ENOX1: variants seen among roughly 807,000 people sequenced by gnomAD.
ENOX1 encodes candidate growth-related and time keeping constitutive hydroquinone (NADH) oxidase.
A neutral mutation model predicts 82.5 loss-of-function variants in ENOX1; 42 were observed. That is an observed-to-expected ratio of 0.51 (90% CI 0.40 to 0.66). The LOEUF is 0.66. Ranked by LOEUF, ENOX1 falls within the 30% of genes least tolerant of loss-of-function variation. The pLI, the probability that ENOX1 is intolerant of heterozygous loss-of-function variation, is 0.00. For missense variants in ENOX1, 608 were observed against 811.6 expected, an observed-to-expected ratio of 0.75 and a Z score of 3.05; for synonymous variants, 271 against 282.2, an observed-to-expected ratio of 0.96 and a Z score of 0.40.
intron 12 of ENOX1, among the ~76,000 whole-genome samples, chr13:43,278,695 A>G (rs1013256267): frequency 2.0e-5 from 3 of 152,210 alleles, no homozygotes; most frequent in African/African-American, 7.2e-5. Flanking sequence ...ATTTGGTTTT[A>G]TTAATACTTA....
At chr13:43,280,914 G>C (rs1272842940) in intron 12 of ENOX1, among the ~76,000 whole-genome samples, 1 of 152,188 alleles carries the variant, frequency 6.6e-6, no homozygotes, top group Non-Finnish European at 1.5e-5. Flanking sequence ...GGAAGTGAGA[G>C]GGAGAGGAAG....
At chr13:43,286,032 C>T (rs375285297) in intron 12 of ENOX1, among the ~76,000 whole-genome samples, 2 of 152,192 alleles carry the variant, frequency 1.3e-5, no homozygotes, top group Middle Eastern at 3.4e-3. Context: ...CAACTGCGGC[C>T]GGAGTTGAAA....
At chr13:43,328,700 A>G (rs2048256535) in intron 9 of ENOX1, among the ~76,000 whole-genome samples, 1 of 152,240 alleles carries the variant, frequency 6.6e-6, no homozygotes, top group Non-Finnish European at 1.5e-5. Context: ...GCACAGGTTT[A>G]GGGGTAAAAG....
intron 5 of ENOX1, among the ~76,000 whole-genome samples, chr13:43,370,235 C>T (rs9590758): frequency 0.24 from 36,144 of 151,878 alleles, 4,709 homozygotes; most frequent in East Asian, 0.43. Context: ...GGAGTGGTGG[C>T]GGGCACCTGT....
intron 1 of ENOX1, among the ~76,000 whole-genome samples, chr13:43,693,478 A>T (rs1594436053): frequency 6.6e-6 from 1 of 152,354 alleles, no homozygotes; most frequent in Non-Finnish European, 1.5e-5. Flanking sequence ...TGGACAGTTA[A>T]CACTATAGTT....
At chr13:43,753,686 C>T (rs1433765140) in intron 1 of ENOX1, among the ~76,000 whole-genome samples, 3 of 152,134 alleles carry the variant, frequency 2.0e-5, no homozygotes, top group African/African-American at 7.2e-5. Context: ...ATTTCTATGC[C>T]TTTGGCCTAG....
At position 43,326,444 on chromosome 13, in the gene ENOX1, A is replaced by G. The variant is rs963290224; in HGVS notation, c.1118T>C (p.Ile373Thr). The G allele has an allele frequency of 1.9e-6, 3 of 1,614,102 alleles. No homozygotes were observed. Among genetic ancestry groups the G allele is most frequent in the Non-Finnish European group, 2.5e-6 (3 of 1,179,944 alleles). Residue 373 changes from isoleucine (I) to threonine (T), a missense_variant, in exon 10 of 17, where the codon ATA becomes ACA. Physicochemically the swap from Ile to Thr is moderately conservative, Grantham distance 89 (BLOSUM62 -1). Coordinates refer to ENST00000690772, the MANE Select transcript of ENOX1 (RefSeq NM_001347969.2). ...DHFSKAQRKN[I>T]DIWRKHSEEL... ...CTCAGAATGCTTTCGCCAAATGTCT[A>G]TGTTCTTGCGCTGGGCTTTCGAGAA...
At chr13:43,364,107 A>G (rs1245233832) in intron 5 of ENOX1, among the ~76,000 whole-genome samples, 2 of 152,230 alleles carry the variant, frequency 1.3e-5, no homozygotes, top group African/African-American at 2.4e-5. Context: ...TTTTTTAACA[A>G]TATATGTAAA....
chr13:43,718,498 T>A (rs961216592), intron 1 of ENOX1, among the ~76,000 whole-genome samples: 19 of 151,922 alleles, frequency 1.3e-4, no homozygotes, highest in Non-Finnish European at 4.4e-5. Context: ...AATATACCTA[T>A]GTAACAAACC....
At chr13:43,329,661 C>A (rs996802906) in intron 9 of ENOX1, among the ~76,000 whole-genome samples, 4 of 152,110 alleles carry the variant, frequency 2.6e-5, no homozygotes, top group Non-Finnish European at 5.9e-5. Flanking sequence ...AGATGTAAAA[C>A]TAAGTGGGAT....
intron 5 of ENOX1, among the ~76,000 whole-genome samples, chr13:43,390,366 T>C (rs900389405): frequency 6.6e-6 from 1 of 152,174 alleles, no homozygotes; most frequent in Non-Finnish European, 1.5e-5. Flanking sequence ...TGGACACATA[T>C]GATACTTGTT....
At chr13:43,369,811 C>T (rs1441882224) in intron 5 of ENOX1, among the ~76,000 whole-genome samples, 2 of 151,640 alleles carry the variant, frequency 1.3e-5, no homozygotes, top group Non-Finnish European at 3.0e-5. Context: ...GATTCAGCCA[C>T]AGAGGGCAAG....
intron 2 of ENOX1, among the ~76,000 whole-genome samples, chr13:43,529,081 G>A (rs1050641505): frequency 1.3e-5 from 2 of 151,874 alleles, no homozygotes; most frequent in Non-Finnish European, 2.9e-5. Context: ...CATAGAAACC[G>A]TGTTACAGTA....
rs182762874 is a variant in ENOX1 at position 43,462,843 on chromosome 13, T to G, written c.-75+21166A>C. 4.4e-4 allele frequency among the ~76,000 whole-genome samples: 67 copies of G among 152,062 alleles called. 1 individual carries two copies. Among genetic ancestry groups the G allele is most frequent in the African/African-American group, 1.5e-3 (62 of 41,416 alleles). On this transcript the variant is annotated intron_variant, in intron 3 of 16. Transcript: ENST00000690772. ...TCAGACGAAACTGCTAAGTGTGGTT[T>G]GGATTTTTCCAAAGGGAACTTCTCA... is the stretch of plus-strand genomic sequence containing the variant.
At chr13:43,513,920 T>C (rs1267275405) in intron 2 of ENOX1, among the ~76,000 whole-genome samples, 1 of 152,162 alleles carries the variant, frequency 6.6e-6, no homozygotes, top group Non-Finnish European at 1.5e-5. Flanking sequence ...TGTATAAATG[T>C]TTTCATAGAA....
intron 2 of ENOX1, among the ~76,000 whole-genome samples, chr13:43,656,640 T>TA (rs1049122289): frequency 5.9e-5 from 9 of 152,146 alleles, no homozygotes; most frequent in Admixed American, 4.6e-4. Flanking sequence ...ACTATAGGAC[T>TA]AAAAAATGAG....
intron 5 of ENOX1, among the ~76,000 whole-genome samples, chr13:43,372,459 G>T (rs1211777340): frequency 6.6e-6 from 1 of 152,160 alleles, no homozygotes. Flanking sequence ...AGGGGCAGTA[G>T]GGTAAGTATG....
chr13:43,366,589 T>G (rs2050866063), intron 5 of ENOX1, among the ~76,000 whole-genome samples: 1 of 152,122 alleles, frequency 6.6e-6, no homozygotes, highest in Non-Finnish European at 1.5e-5. Flanking sequence ...TGACTGGCTT[T>G]TTAACCTCTC....
intron 3 of ENOX1, among the ~76,000 whole-genome samples, chr13:43,476,347 T>C (rs188440685): frequency 1.3e-5 from 2 of 152,212 alleles, no homozygotes; most frequent in African/African-American, 2.4e-5. Context: ...TTGAGATACA[T>C]CTGGAACCTT....
Sources: gnomAD v4.1 joint callset for allele counts (sites outside exome capture counted in the v4.1 genomes callset) on GRCh38, gnomAD v4.1.1 for gene constraint, MANE v1.5 for transcripts, NCBI Gene and HGNC (gene_info 2026-07-23, HGNC 2026-07-21) for gene names.